Variants in PARK7 observed in about 807,000 individuals in gnomAD.
PARK7 encodes the protein Parkinsonism associated deglycase.
PARK7 carries 14 observed loss-of-function variants against 20.5 expected under a neutral mutation model. The ratio of observed to expected loss-of-function variants is 0.68; its 90% CI spans 0.45 to 1.07. The LOEUF (loss-of-function observed/expected upper bound fraction) is 1.07. PARK7 is among the 50% of genes least tolerant of loss of function. The probability of loss-of-function intolerance (pLI) is 0.00; values close to 1 mark genes in which losing one functional copy is unlikely to be tolerated. For synonymous variants in PARK7, 98 were observed against 84.3 expected (o/e 1.16, Z -0.89); for missense variants, 234 against 238.1 (o/e 0.98, Z 0.11).
At chr1:7,975,410 C>G (rs1640561966) in intron 5 of PARK7, among the ~76,000 whole-genome samples, 1 of 152,096 alleles carries the variant, frequency 6.6e-6, no homozygotes, top group Admixed American at 6.6e-5. Context: ...CCTGGAGGAG[C>G]TGGGGAGTTG....
intron 5 of PARK7, among the ~76,000 whole-genome samples, chr1:7,972,746 A>T (rs1320522067): frequency 6.6e-6 from 1 of 152,114 alleles, no homozygotes; most frequent in Non-Finnish European, 1.5e-5. Context: ...TCTACTAAAA[A>T]TACAAAAGTT....
rs35540656 is a variant in PARK7, at chr1:7,969,584, CTT to C, written c.252+193_252+194del. Among the ~76,000 whole-genome samples the C allele has an allele frequency of 0.13, 18,370 of 146,042 alleles. 1,423 individuals carry two copies. Among genetic ancestry groups the C allele is most frequent in the Non-Finnish European group, 0.17 (11,128 of 65,970 alleles). Reference sequence around the variant, plus strand: ...AATGGTGTTATAGCATTAACTCAAACTTTTTTTTTTTTTTGAGACAGAGTCTT... The same window carrying C: ...AATGGTGTTATAGCATTAACTCAAACTTTTTTTTTTTTGAGACAGAGTCTT... On this transcript the variant is annotated intron_variant, in intron 4 of 6. Transcript: ENST00000338639.
intron 2 of PARK7, among the ~76,000 whole-genome samples, chr1:7,963,622 G>C (rs575625292): frequency 6.6e-6 from 1 of 151,702 alleles, no homozygotes; most frequent in East Asian, 1.9e-4. Context: ...TGACCCGCCC[G>C]CCTTAGCCTT....
At chr1:7,974,958 C>T (rs1055399722) in intron 5 of PARK7, among the ~76,000 whole-genome samples, 4 of 150,660 alleles carry the variant, frequency 2.7e-5, no homozygotes, top group African/African-American at 7.3e-5. Context: ...CAGGTTCAAG[C>T]GATTCTCCTG....
intron 4 of PARK7, 123 bp downstream of exon 4, chr1:7,969,527 G>GAA: frequency 1.4e-6 from 1 of 708,198 alleles, no homozygotes; most frequent in Non-Finnish European, 2.3e-6. Context: ...AGGAGGCTGT[G>GAA]AAAAAAAAAT....
rs1167861018 is a variant in PARK7 at position 7,985,131 on chromosome 1, CAGT to C, written c.*78_*80del. The C allele has an allele frequency of 6.4e-7, 1 of 1,555,056 alleles. No individual in the cohort carries two copies. Among genetic ancestry groups the C allele is most frequent in the Non-Finnish European group, 8.7e-7 (1 of 1,149,362 alleles). On this transcript the variant is annotated 3_prime_UTR_variant, in exon 7 of 7. Transcript: ENST00000338639. ...CTCACTGTGTTCGCTCTAAACAAAA[CAGT>C]GGTAGGTTAATGTGTTCAGAAGTCG...
At chr1:7,978,154 G>A (rs973434391) in intron 6 of PARK7, among the ~76,000 whole-genome samples, 2 of 147,946 alleles carry the variant, frequency 1.4e-5, no homozygotes. Flanking sequence ...GCTCCACCAC[G>A]CCTGGCTAAT....
chr1:7,979,931 A>G (rs1008320809), intron 6 of PARK7, among the ~76,000 whole-genome samples: 37 of 151,938 alleles, frequency 2.4e-4, no homozygotes, highest in Non-Finnish European at 3.7e-4. Context: ...CCGGTGGGGG[A>G]GGTAGATCAC....
chr1:7,962,738 ATC>A, intron 1 of PARK7, 23 bp from the exon 2 acceptor site: 4 of 1,333,590 alleles, frequency 3.0e-6, no homozygotes, highest in East Asian at 2.4e-5. Context: ...GTTTTTTGAA[ATC>A]TTTTTTTTTT....
chr1:7,974,857 T>G (rs1334640356), intron 5 of PARK7, among the ~76,000 whole-genome samples: 1 of 150,206 alleles, frequency 6.7e-6, no homozygotes, highest in African/African-American at 2.4e-5. Flanking sequence ...ATTCTTTTTT[T>G]TTTTTTTTTT....
Position 7,977,771 on chromosome 1 carries a change from G to A in PARK7, c.409+33G>A, listed in dbSNP as rs200279625. The A allele has an allele frequency of 1.8e-4, 282 of 1,585,986 alleles. No individual in the cohort carries two copies. The Admixed American group carries it at 2.3e-3, about 13-fold the overall frequency. ...TATGCTTGTTTTTGTTTGTTTGTTT[G>A]TTTTTTGAGATGGAGTCTCGCTCCA... On this transcript the variant is annotated intron_variant, in intron 6 of 6. Transcript: ENST00000338639.
At chr1:7,968,696 A>T (rs1040317276) in intron 3 of PARK7, among the ~76,000 whole-genome samples, 4 of 152,106 alleles carry the variant, frequency 2.6e-5, no homozygotes, top group African/African-American at 9.6e-5. Context: ...TCATATTTTT[A>T]GTAGAAATGG....
intron 6 of PARK7, among the ~76,000 whole-genome samples, chr1:7,978,898 C>T (rs1438769743): frequency 2.0e-5 from 3 of 150,548 alleles, no homozygotes; most frequent in African/African-American, 7.3e-5. Context: ...TTATCTATCA[C>T]ATACTCATTA....
chr1:7,970,864 T>C (rs1640450736), intron 4 of PARK7, 30 bp from the exon 5 acceptor site: 1 of 1,612,188 alleles, frequency 6.2e-7, no homozygotes. Flanking sequence ...TAATGATAAC[T>C]TTATGTATTT....
chr1:7,979,345 C>T lies in PARK7; in HGVS notation c.409+1607C>T, dbSNP rs184673625. ...CGCCCCTGGCCATGCATAGCCTCCC[C>T]TACTATCAACATCCTGCACCAGAAT... is the stretch of plus-strand genomic sequence containing the variant. On this transcript the variant is annotated intron_variant, in intron 6 of 6. Transcript: ENST00000338639. Among the ~76,000 whole-genome samples, 101 of 152,336 alleles carry T rather than the reference C, an allele frequency of 6.6e-4. No individual in the cohort carries two copies. The East Asian group carries it at 0.018, about 27-fold the overall frequency.
intron 5 of PARK7, among the ~76,000 whole-genome samples, chr1:7,974,623 C>T (rs1407510692): frequency 6.7e-6 from 1 of 148,568 alleles, no homozygotes; most frequent in Non-Finnish European, 1.5e-5. Flanking sequence ...AGTGAGACTC[C>T]ATCTCAAAAA....
chr1:7,977,424 C>T (rs1458373062), intron 5 of PARK7, among the ~76,000 whole-genome samples: 1 of 152,104 alleles, frequency 6.6e-6, no homozygotes, highest in Non-Finnish European at 1.5e-5. Flanking sequence ...TTGGTAAGAG[C>T]CTCTTGATTT....
chr1:7,969,290 A>G (rs959191564), intron 3 of PARK7, 55 bp from the exon 4 acceptor site: 1 of 1,414,428 alleles, frequency 7.1e-7, no homozygotes, highest in African/African-American at 1.4e-5. Context: ...CTGTCAATTT[A>G]ATGCACAGTT....
At chr1:7,969,280 C>G in intron 3 of PARK7, 65 bp from the exon 4 acceptor site, 1 of 1,290,280 alleles carries the variant, frequency 7.8e-7, no homozygotes, top group Non-Finnish European at 1.1e-6. Context: ...TATTATTGGA[C>G]TGTCAATTTA....
Sources: gnomAD v4.1 joint callset for allele counts (sites outside exome capture counted in the v4.1 genomes callset) on GRCh38, gnomAD v4.1.1 for gene constraint, MANE v1.5 for transcripts, NCBI Gene and HGNC (gene_info 2026-07-23, HGNC 2026-07-21) for gene names.